TBC1D15: variants seen among roughly 807,000 people sequenced by gnomAD.
TBC1D15 encodes the protein TBC1 domain family member 15, also known as GAP for RAB7.
TBC1D15 carries 39 observed loss-of-function variants against 95.4 expected under a neutral mutation model. That is an observed-to-expected ratio of 0.41 (90% CI 0.32 to 0.53). The LOEUF (loss-of-function observed/expected upper bound fraction) is 0.53, where lower values mean the gene tolerates loss of function less well. TBC1D15 is among the 20% of genes least tolerant of loss of function. The pLI is 0.29. For synonymous variants in TBC1D15, 258 were observed against 261.3 expected, an observed-to-expected ratio of 0.99 and a Z score of 0.12; for missense variants, 733 against 794.3, an observed-to-expected ratio of 0.92 and a Z score of 0.93.
chr12:71,900,922 C>T (rs1191224551), intron 10 of TBC1D15, among the ~76,000 whole-genome samples: 2 of 152,056 alleles, frequency 1.3e-5, no homozygotes, highest in African/African-American at 4.8e-5. Flanking sequence ...ATTGGAAGCC[C>T]TAGCCAGAGC....
chr12:71,896,181 T>C, intron 8 of TBC1D15, 106 bp downstream of exon 8: 1 of 1,157,668 alleles, frequency 8.6e-7, no homozygotes, highest in Non-Finnish European at 1.2e-6. Context: ...GTTGGTTTTT[T>C]TTTTTTTTGG....
intron 1 of TBC1D15, among the ~76,000 whole-genome samples, chr12:71,862,114 G>T (rs1011314191): frequency 5.3e-5 from 8 of 152,062 alleles, no homozygotes; most frequent in African/African-American, 1.9e-4. Context: ...CTGTCCTAGG[G>T]TATTGGCCAT....
chr12:71,889,448 A>G (rs921373773), intron 5 of TBC1D15, among the ~76,000 whole-genome samples: 25 of 152,164 alleles, frequency 1.6e-4, no homozygotes, highest in African/African-American at 4.8e-4. Context: ...CTCCCTCCCT[A>G]TTCTCCTTCC....
In TBC1D15 at chr12:71,917,761, C is replaced by G; in HGVS notation, c.1465C>G (p.Leu489Val). 2 of 1,612,970 alleles carry G rather than the reference C, an allele frequency of 1.2e-6. No homozygotes were observed. The highest frequency in any genetic ancestry group is 1.7e-6 in the Non-Finnish European group (2 of 1,179,286). Residue 489 changes from leucine (L) to valine (V), a missense_variant, in exon 13 of 17, where the codon CTT (leucine) becomes GTT (valine). By Grantham distance (32) the Leu-to-Val change is conservative. Transcript: ENST00000485960. ...CCAGCTAATTCAGCTGAGTACCTTACTTCGATTGTTAGACAGTGGATTTTG... is the reference window on the plus strand; with the variant it reads ...CCAGCTAATTCAGCTGAGTACCTTAGTTCGATTGTTAGACAGTGGATTTTG... The part of the protein sequence containing the change: ...KTQLIQLSTL[L>V]RLLDSGFCSY...
Position 71,923,262 on chromosome 12 carries a change from T to G in TBC1D15, c.*58T>G. On this transcript the variant is annotated 3_prime_UTR_variant, in exon 17 of 17. Coordinates refer to ENST00000485960, the MANE Select transcript of TBC1D15 (RefSeq NM_001146213.3). The stretch of plus-strand genomic sequence containing the variant: ...TTGTTGCAACCCTTTTTCAAGTACT[T>G]GAAAGTTGAAAATTTGAAATCTTGG... The G allele has an allele frequency of 1.9e-6, 3 of 1,539,088 alleles. No homozygotes were observed. Among genetic ancestry groups the G allele is most frequent in the Non-Finnish European group, 2.7e-6 (3 of 1,119,502 alleles).
intron 1 of TBC1D15, among the ~76,000 whole-genome samples, chr12:71,859,807 C>T (rs1889990699): frequency 6.6e-6 from 1 of 152,134 alleles, no homozygotes; most frequent in African/African-American, 2.4e-5. Flanking sequence ...GATGGGGTTT[C>T]ACCATGTTGG....
In TBC1D15 at chr12:71,871,818, A is replaced by G. The variant is rs561771119; in HGVS notation, c.31-252A>G. On this transcript the variant is annotated intron_variant, in intron 1 of 16. Coordinates refer to ENST00000485960, the MANE Select transcript of TBC1D15 (RefSeq NM_001146213.3). ...ATTAGTCTGACATCTTTGTTTAAGT[A>G]GAAGATCAAGATTGTGATTATCACG... Among the ~76,000 whole-genome samples the G allele has an allele frequency of 5.3e-5, 8 of 152,362 alleles. No homozygotes were observed. The South Asian group carries it at 1.2e-3, about 24-fold the overall frequency.
At chr12:71,917,037 T>C (rs539434791) in intron 12 of TBC1D15, among the ~76,000 whole-genome samples, 15 of 152,312 alleles carry the variant, frequency 9.8e-5, no homozygotes, top group African/African-American at 3.4e-4. Flanking sequence ...AAAAGTAACC[T>C]TTCCTAATGA....
Position 71,839,798 on chromosome 12 carries a change from T to G in TBC1D15, c.17T>G (p.Val6Gly), listed in dbSNP as rs1272101183. 6.2e-7 allele frequency: 1 copy of G among 1,614,064 alleles called. No individual in the cohort carries two copies. Among genetic ancestry groups the G allele is most frequent in the Admixed American group, 1.7e-5 (1 of 60,014 alleles). The change falls in exon 1 of 17, where the codon GTT becomes GGT. Residue 6 changes from valine to glycine, a missense_variant. Coordinates refer to ENST00000485960, the MANE Select transcript of TBC1D15 (RefSeq NM_001146213.3). ...GCAGGAAACATGGCGGCGGCGGGTG[T>G]TGTGAGCGGGAAGGTAGGTAACGGC... Reference protein sequence around the residue: MAAAGVVSGKIIYEQE... With the variant: MAAAGGVSGKIIYEQE...
At chr12:71,909,995 G>T (rs1341309523) in intron 11 of TBC1D15, among the ~76,000 whole-genome samples, 1 of 152,046 alleles carries the variant, frequency 6.6e-6, no homozygotes, top group Non-Finnish European at 1.5e-5. Context: ...ATGGTTTTAG[G>T]TCTAATGTTT....
intron 1 of TBC1D15, among the ~76,000 whole-genome samples, chr12:71,858,562 T>TC (rs952724361): frequency 3.3e-5 from 5 of 150,008 alleles, no homozygotes; most frequent in South Asian, 2.1e-4. Flanking sequence ...TTTTTCTTTT[T>TC]TTTTTTTTTT....
chr12:71,859,732 C>G (rs144169978), intron 1 of TBC1D15, among the ~76,000 whole-genome samples: 4 of 152,036 alleles, frequency 2.6e-5, no homozygotes, highest in African/African-American at 9.7e-5. Context: ...CTCAGCCTCC[C>G]GAGTAGTTGG....
chr12:71,840,348 G>A (rs769017443), intron 1 of TBC1D15, among the ~76,000 whole-genome samples: 2 of 152,244 alleles, frequency 1.3e-5, no homozygotes, highest in Non-Finnish European at 2.9e-5. Flanking sequence ...TTGGTTGGTG[G>A]TTGTGAGCAG....
At chr12:71,877,991 TAGTG>T (rs1280284344) in intron 3 of TBC1D15, among the ~76,000 whole-genome samples, 1 of 152,200 alleles carries the variant, frequency 6.6e-6, no homozygotes, top group Non-Finnish European at 1.5e-5. Flanking sequence ...GGCCTGGTAA[TAGTG>T]AGACTCTTCC....
At chr12:71,906,930 C>G (rs1337092731) in intron 10 of TBC1D15, 92 bp from the exon 11 acceptor site, 6 of 641,936 alleles carry the variant, frequency 9.3e-6, no homozygotes. Flanking sequence ...AAATTAATAG[C>G]AAGAAAAATG....
chr12:71,896,173 TG>T, intron 8 of TBC1D15, 98 bp downstream of exon 8: 5 of 1,209,226 alleles, frequency 4.1e-6, no homozygotes, highest in Middle Eastern at 3.0e-4. Context: ...TTTTTGTTGT[TG>T]GTTTTTTTTT....
chr12:71,862,260 A>T (rs57653159), intron 1 of TBC1D15, among the ~76,000 whole-genome samples: 13,156 of 151,972 alleles, frequency 0.087, 648 homozygotes, highest in South Asian at 0.15. Context: ...TGATCTGTCC[A>T]ATGCTGAGGG....
chr12:71,891,379 A>G (rs539225109), intron 5 of TBC1D15, among the ~76,000 whole-genome samples: 3 of 152,190 alleles, frequency 2.0e-5, no homozygotes, highest in South Asian at 4.1e-4. Context: ...GGTTAGCATC[A>G]TTAAAAGTTC....
At chr12:71,853,580 G>T (rs1280918720) in intron 1 of TBC1D15, among the ~76,000 whole-genome samples, 4 of 152,020 alleles carry the variant, frequency 2.6e-5, no homozygotes, top group African/African-American at 9.7e-5. Flanking sequence ...TTTGTTATAG[G>T]TCATATTTTC....
Sources: allele counts gnomAD v4.1 joint callset (sites outside exome capture counted in the v4.1 genomes callset), GRCh38; gene constraint gnomAD v4.1.1; transcripts MANE v1.5; gene names NCBI Gene and HGNC (gene_info 2026-07-23, HGNC 2026-07-21).